Variants in CNKSR3 observed in about 807,000 individuals in gnomAD.
CNKSR3 encodes the protein connector enhancer of kinase suppressor of ras 3.
A neutral mutation model predicts 67.7 loss-of-function variants in CNKSR3; 36 were observed. That is an observed-to-expected ratio of 0.53 (90% CI 0.41 to 0.70). The LOEUF is 0.70. Ranked by LOEUF, CNKSR3 falls within the 30% of genes least tolerant of loss-of-function variation. CNKSR3 has a pLI of 0.00. For missense variants in CNKSR3, 630 were observed against 695.2 expected (o/e 0.91, Z 1.05); for synonymous variants, 281 against 271.4 (o/e 1.04, Z -0.35).
At position 154,510,614 on chromosome 6, in the gene CNKSR3, C is replaced by T. The variant is rs1371760239; in HGVS notation, c.-500G>A. On this transcript the variant is annotated 5_prime_UTR_variant, in exon 1 of 13. Coordinates refer to ENST00000607772, the MANE Select transcript of CNKSR3 (RefSeq NM_173515.4). ...CTCCTGCGCCGCCCTCCCGTGCCGC[C>T]CTGGCAGGGCCGAGCGCAGAGCGTG... is the stretch of plus-strand genomic sequence containing the variant. The T allele has an allele frequency of 1.2e-5, 2 of 164,860 alleles. No individual in the cohort carries two copies. Among genetic ancestry groups the T allele is most frequent in the Non-Finnish European group, 2.6e-5 (2 of 76,944 alleles). 10.2% of individuals were successfully genotyped at this position (164,860 alleles called of 1,614,324 possible). A position where few individuals can be genotyped will look rare whatever the true frequency, so the allele number is the denominator to read the frequency against.
chr6:154,456,723 A>G (rs1785967532), intron 1 of CNKSR3, among the ~76,000 whole-genome samples: 1 of 150,562 alleles, frequency 6.6e-6, no homozygotes, highest in Admixed American at 6.6e-5. Flanking sequence ...AAAAAAAAAA[A>G]AAAAAAAAAA....
intron 10 of CNKSR3, among the ~76,000 whole-genome samples, chr6:154,412,252 T>C (rs997138966): frequency 4.6e-5 from 7 of 152,220 alleles, no homozygotes; most frequent in Non-Finnish European, 8.8e-5. Flanking sequence ...TAACTCCCCA[T>C]TCACAAAGCT....
chr6:154,451,495 G>A (rs1188068298), intron 1 of CNKSR3, among the ~76,000 whole-genome samples: 3 of 18,162 alleles, frequency 1.7e-4, no homozygotes, highest in Non-Finnish European at 2.6e-4. Context: ...ACGCACACAC[G>A]CATACATGCA....
At chr6:154,454,115 AG>A in intron 1 of CNKSR3, among the ~76,000 whole-genome samples, 1 of 100,538 alleles carries the variant, frequency 9.9e-6, no homozygotes, top group African/African-American at 3.3e-5. Context: ...AGAGAGAGAG[AG>A]AGAGAGAGAG....
chr6:154,428,322 G>A (rs915113888), intron 6 of CNKSR3, 135 bp from the exon 7 acceptor site: 2 of 640,552 alleles, frequency 3.1e-6, no homozygotes, highest in Non-Finnish European at 5.7e-6. Context: ...CTGAAACATC[G>A]AGAAACAAGA....
chr6:154,473,292 T>C (rs979558908), intron 1 of CNKSR3, among the ~76,000 whole-genome samples: 1 of 152,214 alleles, frequency 6.6e-6, no homozygotes, highest in Non-Finnish European at 1.5e-5. Flanking sequence ...AGTGGGGCTA[T>C]TGTTAGTTTA....
At chr6:154,497,992 A>C (rs1786911700) in intron 1 of CNKSR3, among the ~76,000 whole-genome samples, 1 of 152,198 alleles carries the variant, frequency 6.6e-6, no homozygotes, top group African/African-American at 2.4e-5. Context: ...CTCCCATCAG[A>C]GGCCAATATT....
chr6:154,410,907 A>T, intron 11 of CNKSR3, 27 bp downstream of exon 11: 1 of 1,579,110 alleles, frequency 6.3e-7, no homozygotes, highest in Non-Finnish European at 8.6e-7. Flanking sequence ...GGCCAACGGC[A>T]GAACAAAACA....
chr6:154,408,466 G>GT (rs1327193640), intron 12 of CNKSR3, among the ~76,000 whole-genome samples: 1 of 152,150 alleles, frequency 6.6e-6, no homozygotes, highest in Non-Finnish European at 1.5e-5. Flanking sequence ...TGCCTTCCAT[G>GT]TTTTTCAATG....
Position 154,405,298 on chromosome 6 carries a change from CTAAGAG to C in CNKSR3, c.*1050_*1055del. On this transcript the variant is annotated 3_prime_UTR_variant, in exon 13 of 13. Coordinates refer to ENST00000607772, the MANE Select transcript of CNKSR3 (RefSeq NM_173515.4). ...ACAGAAATATTTCAATTACAGGTGA[CTAAGAG>C]TAAGAAAAATATACAACTATATTTA... The C allele has an allele frequency of 6.6e-6, 1 of 152,628 alleles. No homozygotes were observed. Among genetic ancestry groups the C allele is most frequent in the East Asian group, 1.9e-4 (1 of 5,188 alleles). 9.5% of individuals were successfully genotyped at this position (152,628 alleles called of 1,614,324 possible). A position where few individuals can be genotyped will look rare whatever the true frequency, so the allele number is the denominator to read the frequency against.
At chr6:154,471,578 C>A (rs1443229419) in intron 1 of CNKSR3, among the ~76,000 whole-genome samples, 2 of 152,116 alleles carry the variant, frequency 1.3e-5, no homozygotes, top group African/African-American at 4.8e-5. Context: ...GAAAGCAAAG[C>A]AAACTTAGCT....
chr6:154,403,945 G>A lies in CNKSR3; in HGVS notation c.*2409C>T, dbSNP rs984116287. On this transcript the variant is annotated 3_prime_UTR_variant, in exon 13 of 13. Coordinates refer to ENST00000607772, the MANE Select transcript of CNKSR3 (RefSeq NM_173515.4). ...GCTCTTAGAGTTCTCCCCACAATCT[G>A]GGGAGTAAGAGGAGATGTTGCCACC... 10 of 152,164 alleles carry A rather than the reference G, an allele frequency of 6.6e-5. No homozygotes were observed. Among genetic ancestry groups the A allele is most frequent in the Admixed American group, 5.9e-4 (9 of 15,266 alleles). 9.4% of individuals were successfully genotyped at this position (152,164 alleles called of 1,614,324 possible). A position where few individuals can be genotyped will look rare whatever the true frequency, so the allele number is the denominator to read the frequency against.
chr6:154,444,561 T>C (rs535467589), intron 2 of CNKSR3, among the ~76,000 whole-genome samples: 1 of 152,012 alleles, frequency 6.6e-6, no homozygotes, highest in African/African-American at 2.4e-5. Context: ...TGAATAGCTA[T>C]TCAGCTTCTC....
rs1301549332 is a variant in CNKSR3 at position 154,391,608 on chromosome 6, G to A, written c.*14746C>T. 1 of 152,204 alleles carries A rather than the reference G, an allele frequency of 6.6e-6. No individual in the cohort carries two copies. The highest frequency in any genetic ancestry group is 6.5e-5 in the Admixed American group (1 of 15,286). 9.4% of individuals were successfully genotyped at this position (152,204 alleles called of 1,614,324 possible). On this transcript the variant is annotated 3_prime_UTR_variant, in exon 13 of 13. Transcript: ENST00000607772. ...TACTGGGGTTAGGACTTCAATATGT[G>A]AATTTGGAGAGAACGTAATTTAGTT...
chr6:154,490,476 G>A, intron 1 of CNKSR3, among the ~76,000 whole-genome samples: 1 of 152,158 alleles, frequency 6.6e-6, no homozygotes, highest in East Asian at 1.9e-4. Context: ...TATTGTGTGT[G>A]TATATACGTA....
chr6:154,414,716 C>T (rs1299375403), intron 9 of CNKSR3: 3 of 553,058 alleles, frequency 5.4e-6, no homozygotes, highest in African/African-American at 1.9e-5. Flanking sequence ...CTGTGGCCTC[C>T]CTTTCCTCTT....
At chr6:154,412,124 G>T (rs908769496) in intron 10 of CNKSR3, among the ~76,000 whole-genome samples, 3 of 152,172 alleles carry the variant, frequency 2.0e-5, no homozygotes, top group African/African-American at 4.8e-5. Flanking sequence ...AATCAACTGA[G>T]TCCCAAAGCA....
chr6:154,427,996 TAAAC>T (rs560043899), intron 7 of CNKSR3, 128 bp downstream of exon 7: 93 of 646,980 alleles, frequency 1.4e-4, no homozygotes, highest in African/African-American at 7.9e-4. Context: ...TCAACAGAAA[TAAAC>T]AAAGCAGGTA....
rs1455422031 is a variant in CNKSR3, at chr6:154,391,689, C to T, written c.*14665G>A. The T allele has an allele frequency of 6.6e-6, 1 of 152,154 alleles. No homozygotes were observed. Among genetic ancestry groups the T allele is most frequent in the Non-Finnish European group, 1.5e-5 (1 of 68,028 alleles). 9.4% of individuals were successfully genotyped at this position (152,154 alleles called of 1,614,324 possible). A position where few individuals can be genotyped will look rare whatever the true frequency, so the allele number is the denominator to read the frequency against. ...TTTGCTTCCCTTCTCTTTTTTCTCACCTCGCCTTGGGCTTGTATCTTCCAA... is the reference window on the plus strand; with the variant it reads ...TTTGCTTCCCTTCTCTTTTTTCTCATCTCGCCTTGGGCTTGTATCTTCCAA... On this transcript the variant is annotated 3_prime_UTR_variant, in exon 13 of 13. Transcript: ENST00000607772.
Sources: allele counts gnomAD v4.1 joint callset (sites outside exome capture counted in the v4.1 genomes callset), GRCh38; gene constraint gnomAD v4.1.1; transcripts MANE v1.5; gene names NCBI Gene and HGNC (gene_info 2026-07-23, HGNC 2026-07-21).